PCDHA6: variants seen among roughly 807,000 people sequenced by gnomAD.
PCDHA6 encodes the protein protocadherin alpha 6, also known as protocadherin alpha-6.
Under a neutral mutation model 60.3 loss-of-function variants are expected in PCDHA6, and 55 were observed. The observed-to-expected ratio is 0.91, with a 90% confidence interval of 0.73 to 1.14. PCDHA6 has a LOEUF of 1.14. Among genes scored for constraint, PCDHA6 ranks in the 50% most tolerant of loss-of-function variants. The probability of loss-of-function intolerance (pLI) is 0.00; values close to 1 mark genes in which losing one functional copy is unlikely to be tolerated. For synonymous variants in PCDHA6, 652 were observed against 557.9 expected (o/e 1.17, Z -2.38); for missense variants, 1,327 against 1,256.5 (o/e 1.06, Z -0.85).
intron 1 of PCDHA6, chr5:140,870,682 C>G: frequency 6.2e-7 from 1 of 1,612,762 alleles, no homozygotes; most frequent in South Asian, 1.1e-5. Flanking sequence ...CCACGAGGAG[C>G]TGGAGCTGCT....
At position 140,877,565 on chromosome 5, in the gene PCDHA6, T is replaced by C; in HGVS notation, c.2394+47080T>C. On this transcript the variant is annotated intron_variant, in intron 1 of 3. Coordinates refer to ENST00000529310, the MANE Select transcript of PCDHA6 (RefSeq NM_018909.4). ...GAAGCGGCTCTGGTGGATATTAACG[T>C]GTACCTCATCATCGCCATCTGTGCG... 1 of 1,613,742 alleles carries C rather than the reference T, an allele frequency of 6.2e-7. No homozygotes were observed. The highest frequency in any genetic ancestry group is 1.7e-5 in the Admixed American group (1 of 60,024).
At chr5:140,962,817 G>C (rs555403742) in intron 1 of PCDHA6, among the ~76,000 whole-genome samples, 1 of 152,202 alleles carries the variant, frequency 6.6e-6, no homozygotes, top group Non-Finnish European at 1.5e-5. Flanking sequence ...CATCAGAGAT[G>C]ACCATTTGTC....
chr5:140,998,569 GTT>G (rs71574497), intron 3 of PCDHA6, among the ~76,000 whole-genome samples: 14 of 149,410 alleles, frequency 9.4e-5, no homozygotes, highest in Admixed American at 6.7e-4. Flanking sequence ...TTGTAAATAA[GTT>G]TTTTTTTTTT....
chr5:140,869,316 T>C (rs782789227), intron 1 of PCDHA6: 22 of 1,613,628 alleles, frequency 1.4e-5, no homozygotes, highest in South Asian at 4.4e-5. Flanking sequence ...CCAAAACACA[T>C]GGGGACCTTC....
intron 3 of PCDHA6, among the ~76,000 whole-genome samples, chr5:140,999,585 G>C (rs1240906342): frequency 6.6e-6 from 1 of 152,152 alleles, no homozygotes; most frequent in Non-Finnish European, 1.5e-5. Flanking sequence ...AAGGGAAATT[G>C]CCTTCCCTAC....
At chr5:140,845,671 T>C (rs1293125751) in intron 1 of PCDHA6, among the ~76,000 whole-genome samples, 5 of 149,692 alleles carry the variant, frequency 3.3e-5, no homozygotes, top group Non-Finnish European at 4.5e-5. Flanking sequence ...GTGTAGCCAT[T>C]GGTAAAGGAT....
Position 140,829,281 on chromosome 5 carries a change from T to C in PCDHA6, c.1190T>C (p.Leu397Pro), listed in dbSNP as rs2150165125. 4 of 1,614,256 alleles carry C rather than the reference T, an allele frequency of 2.5e-6. No individual in the cohort carries two copies. The South Asian group carries it at 4.4e-5, about 18-fold the overall frequency. ...CTGACGCCTCACGTCCCTTTCAAGCTGGTGTCCACCTTCAAGAATTACTAC... is the reference window on the plus strand; with the variant it reads ...CTGACGCCTCACGTCCCTTTCAAGCCGGTGTCCACCTTCAAGAATTACTAC... The part of the protein sequence containing the change: ...CSLTPHVPFK[L>P]VSTFKNYYSL... The change falls in exon 1 of 4, where the codon CTG (leucine) becomes CCG (proline). Residue 397 changes from leucine (L) to proline (P), a missense_variant. Coordinates refer to ENST00000529310, the MANE Select transcript of PCDHA6 (RefSeq NM_018909.4).
intron 1 of PCDHA6, chr5:140,836,594 C>G (rs2150264886): frequency 4.3e-6 from 7 of 1,613,766 alleles, no homozygotes; most frequent in Non-Finnish European, 4.2e-6. Context: ...TGGTAAAGCC[C>G]ACTCTGGTGT....
chr5:140,887,781 T>C (rs2061576427), intron 1 of PCDHA6, among the ~76,000 whole-genome samples: 2 of 152,338 alleles, frequency 1.3e-5, no homozygotes, highest in African/African-American at 4.8e-5. Flanking sequence ...ACACAGGTCA[T>C]TGAAGCGTTC....
chr5:140,941,201 TCC>T lies in PCDHA6; in HGVS notation c.2395-37747_2395-37746del, dbSNP rs1554213890. On this transcript the variant is annotated intron_variant, in intron 1 of 3. Coordinates refer to ENST00000529310, the MANE Select transcript of PCDHA6 (RefSeq NM_018909.4). The stretch of plus-strand genomic sequence containing the variant: ...ATCCTGCTTCTTTTTTTTTCTTTCT[TCC>T]TTTCTTTCTTCCTTTCTTTCTTTCT... 4.9e-3 allele frequency among the ~76,000 whole-genome samples: 512 copies of T among 103,578 alleles called. 4 individuals are homozygous for T. The highest frequency in any genetic ancestry group is 7.0e-3 in the African/African-American group (178 of 25,432). 68.0% of individuals were successfully genotyped at this position (103,578 alleles called of 152,430 possible). A position where few individuals can be genotyped will look rare whatever the true frequency, so the allele number is the denominator to read the frequency against.
Position 140,884,327 on chromosome 5 carries a change from G to T in PCDHA6, c.2394+53842G>T, listed in dbSNP as rs1400364790. The T allele has an allele frequency of 5.6e-6, 9 of 1,613,894 alleles. No individual in the cohort carries two copies. In the African/African-American group the frequency reaches 9.3e-5, roughly 17 times the overall value. Reference sequence around the variant, plus strand: ...TTCGTCGAGGGCGTCGGCAGGCGCTGTGGGTCCAGAAGCGGCGCTGGTGGA... The same window carrying T: ...TTCGTCGAGGGCGTCGGCAGGCGCTTTGGGTCCAGAAGCGGCGCTGGTGGA... On this transcript the variant is annotated intron_variant, in intron 1 of 3. Coordinates refer to ENST00000529310, the MANE Select transcript of PCDHA6 (RefSeq NM_018909.4).
At chr5:140,839,813 C>A (rs1776427171) in intron 1 of PCDHA6, among the ~76,000 whole-genome samples, 1 of 151,938 alleles carries the variant, frequency 6.6e-6, no homozygotes, top group Non-Finnish European at 1.5e-5. Context: ...TAATTGCCTA[C>A]TATGAAGGCA....
intron 1 of PCDHA6, among the ~76,000 whole-genome samples, chr5:140,977,466 T>A (rs1554238584): frequency 2.0e-5 from 3 of 152,246 alleles, no homozygotes; most frequent in African/African-American, 4.8e-5. Context: ...ATTTGGTCTG[T>A]AGATAATTTT....
chr5:140,831,520 C>CTTT (rs2150195630), intron 1 of PCDHA6, among the ~76,000 whole-genome samples: 4 of 122,404 alleles, frequency 3.3e-5, no homozygotes, highest in Non-Finnish European at 6.6e-5. Context: ...TGCCCCCCAC[C>CTTT]TTTTTTTTTT....
intron 1 of PCDHA6, chr5:140,836,643 A>G: frequency 6.2e-7 from 1 of 1,613,476 alleles, no homozygotes; most frequent in Non-Finnish European, 8.5e-7. Flanking sequence ...CTCCCAGCAG[A>G]GGCGGCAGAG....
At chr5:140,913,896 C>T (rs1440194616) in intron 1 of PCDHA6, among the ~76,000 whole-genome samples, 5 of 152,018 alleles carry the variant, frequency 3.3e-5, no homozygotes, top group African/African-American at 7.2e-5. Context: ...TCCAAAATTC[C>T]CCTTTTTTAT....
At position 140,845,912 on chromosome 5, in the gene PCDHA6, C is replaced by A. The variant is rs186058718; in HGVS notation, c.2394+15427C>A. On this transcript the variant is annotated intron_variant, in intron 1 of 3. Transcript: ENST00000529310. ...AGTCGTTATGGCCTTCCATATTAAT[C>A]TTATTTTTGTGTAAAACTATCTTCT... Among the ~76,000 whole-genome samples, 208 of 149,552 alleles carry A rather than the reference C, an allele frequency of 1.4e-3. 17 individuals are homozygous for A. The Middle Eastern group carries it at 0.024, about 17-fold the overall frequency.
chr5:140,842,994 A>G lies in PCDHA6; in HGVS notation c.2394+12509A>G, dbSNP rs1409771801. 3.8e-6 allele frequency: 6 copies of G among 1,595,048 alleles called. 1 individual carries two copies. The Admixed American group carries it at 1.0e-4, about 27-fold the overall frequency. ...ACGCTGCAGGTGTTCGTGCTGGACGAGAATGACAACGCGCCGGCACTGCTG... is the reference window on the plus strand; with the variant it reads ...ACGCTGCAGGTGTTCGTGCTGGACGGGAATGACAACGCGCCGGCACTGCTG... On this transcript the variant is annotated intron_variant, in intron 1 of 3. Coordinates refer to ENST00000529310, the MANE Select transcript of PCDHA6 (RefSeq NM_018909.4).
In PCDHA6 at chr5:140,858,119, C is replaced by G. The variant is rs1444406371; in HGVS notation, c.2394+27634C>G. The G allele has an allele frequency of 1.6e-5, 26 of 1,597,694 alleles. 1 individual carries two copies. The highest frequency in any genetic ancestry group is 2.1e-5 in the Non-Finnish European group (25 of 1,167,644). On this transcript the variant is annotated intron_variant, in intron 1 of 3. Transcript: ENST00000529310. The stretch of plus-strand genomic sequence containing the variant: ...AGTGGGCGTGGCGCCCGAGGTGGCC[C>G]TGGTGGATGTCAACGTGTACCTGAT...
Sources: allele counts gnomAD v4.1 joint callset (sites outside exome capture counted in the v4.1 genomes callset), GRCh38; gene constraint gnomAD v4.1.1; transcripts MANE v1.5; gene names NCBI Gene and HGNC (gene_info 2026-07-23, HGNC 2026-07-21).